Variants in ALS2 observed in about 807,000 individuals in gnomAD.
ALS2 encodes alsin.
ALS2 carries 117 observed loss-of-function variants against 203.4 expected under a neutral mutation model. The observed-to-expected ratio is 0.58, with a 90% CI of 0.50 to 0.67. The LOEUF is 0.67. Ranked by LOEUF, ALS2 falls within the 30% of genes least tolerant of loss-of-function variation. The pLI is 0.00. For missense variants in ALS2, 1,715 were observed against 1,989.4 expected, an observed-to-expected ratio of 0.86 and a Z score of 2.62; for synonymous variants, 718 against 725.9, an observed-to-expected ratio of 0.99 and a Z score of 0.17.
intron 12 of ALS2, among the ~76,000 whole-genome samples, chr2:201,735,223 T>TG (rs1691803665): frequency 6.6e-6 from 1 of 151,488 alleles, no homozygotes; most frequent in Non-Finnish European, 1.5e-5. Flanking sequence ...GGAGACAGTA[T>TG]GGGGGGAGTT....
intron 2 of ALS2, among the ~76,000 whole-genome samples, 163 bp downstream of exon 2, chr2:201,768,703 C>G (rs961353499): frequency 3.3e-5 from 5 of 152,140 alleles, no homozygotes; most frequent in African/African-American, 7.2e-5. Context: ...AACTAACAAG[C>G]CTTTTTAAAA....
chr2:201,727,866 G>A (rs1457184354), intron 15 of ALS2, 91 bp from the exon 16 acceptor site: 25 of 1,198,136 alleles, frequency 2.1e-5, no homozygotes, highest in Non-Finnish European at 3.0e-5. Flanking sequence ...TAACCCACAT[G>A]GGCCTTGCAG....
chr2:201,736,393 C>G (rs570781281), intron 12 of ALS2, among the ~76,000 whole-genome samples: 1 of 151,984 alleles, frequency 6.6e-6, no homozygotes, highest in African/African-American at 2.4e-5. Context: ...AAAATACTTT[C>G]GAAAATATTT....
In ALS2 at chr2:201,727,217, C is replaced by T; in HGVS notation, c.2974G>A (p.Glu992Lys). The T allele has an allele frequency of 1.9e-6, 3 of 1,612,730 alleles. No individual in the cohort carries two copies. The highest frequency in any genetic ancestry group is 1.7e-6 in the Non-Finnish European group (2 of 1,178,774). Residue 992 changes from glutamate to lysine, a missense_variant, in exon 17 of 34, where the codon GAA (glutamate) becomes AAA (lysine). Glu to Lys is a moderately conservative substitution (Grantham distance 56). Transcript: ENST00000264276. ...QFTLISSTPQ[E>K]KTKWLRAISQ... ...AAATACCATAATAGACTAACCTTTT[C>T]CTGGGGTGTAGATGAAATGAGAGTG...
chr2:201,718,323 G>T (rs992407997), intron 23 of ALS2, 113 bp from the exon 24 acceptor site: 1 of 1,193,222 alleles, frequency 8.4e-7, no homozygotes, highest in Non-Finnish European at 1.2e-6. Context: ...GCAGTGATGC[G>T]ATCTTGGCTC....
chr2:201,760,917 C>G lies in ALS2; in HGVS notation c.1077G>C (p.Glu359Asp). The G allele has an allele frequency of 6.2e-7, 1 of 1,614,138 alleles. No individual in the cohort carries two copies. Among genetic ancestry groups the G allele is most frequent in the Non-Finnish European group, 8.5e-7 (1 of 1,179,992 alleles). ...LRKLSDHSVR[E>D]DSEHGEKPVP... The stretch of plus-strand genomic sequence containing the variant: ...CTGGCTTTTCACCATGCTCTGAGTC[C>G]TCTCTTACTGAATGATCTGACAGTT... Residue 359 changes from glutamate (E) to aspartate (D), a missense_variant, in exon 4 of 34, where the codon GAG becomes GAC. Transcript: ENST00000264276.
intron 23 of ALS2, among the ~76,000 whole-genome samples, chr2:201,718,713 A>G (rs1373726960): frequency 1.3e-5 from 2 of 152,214 alleles, no homozygotes; most frequent in Non-Finnish European, 2.9e-5. Context: ...GGGTAAAAGA[A>G]AAAAACACAC....
At chr2:201,707,735 C>A (rs1689812240) in intron 28 of ALS2, 134 bp downstream of exon 28, 1 of 1,238,076 alleles carries the variant, frequency 8.1e-7, no homozygotes, top group Non-Finnish European at 1.2e-6. Context: ...GGCCCCAACC[C>A]TCCTGGCCCC....
rs775483404 is a variant in ALS2, at chr2:201,761,628, C to T, written c.366G>A (p.Gln122=). The T allele has an allele frequency of 6.6e-5, 107 of 1,614,104 alleles. No homozygotes were observed. Among genetic ancestry groups the T allele is most frequent in the Middle Eastern group, 3.3e-4 (2 of 6,084 alleles). Residue 122 remains glutamine (Q), a synonymous_variant, in exon 4 of 34, where the codon CAG becomes CAA. Coordinates refer to ENST00000264276, the MANE Select transcript of ALS2 (RefSeq NM_020919.4). ...AYMWGENSAG[Q]CAVANQQYVP... is the part of the protein sequence containing the mutation. ...CATACTGCTGGTTGGCTACTGCACACTGGCCAGCAGAATTCTCTCCCCACA... is the reference window on the plus strand; with the variant it reads ...CATACTGCTGGTTGGCTACTGCACATTGGCCAGCAGAATTCTCTCCCCACA...
chr2:201,747,826 A>G (rs1455210298), intron 8 of ALS2, among the ~76,000 whole-genome samples: 1 of 152,180 alleles, frequency 6.6e-6, no homozygotes, highest in Non-Finnish European at 1.5e-5. Flanking sequence ...CTTTAAACCA[A>G]TAATTTTCAA....
chr2:201,724,404 G>A lies in ALS2; in HGVS notation c.3403C>T (p.His1135Tyr). The A allele has an allele frequency of 6.2e-7, 1 of 1,613,918 alleles. No homozygotes were observed. Among genetic ancestry groups the A allele is most frequent in the Non-Finnish European group, 8.5e-7 (1 of 1,179,864 alleles). Reference sequence around the variant, plus strand: ...AATTTCCCACTTCGTAGAAGACCATGACCATGACGCATATTATCTTGAAAA... The same window carrying A: ...AATTTCCCACTTCGTAGAAGACCATAACCATGACGCATATTATCTTGAAAA... ...GCFQDNMRHGHGLLRSGKLTS... is the reference protein window; with the variant it reads ...GCFQDNMRHGYGLLRSGKLTS... The change falls in exon 21 of 34, where the codon CAT becomes TAT. Residue 1135 changes from histidine to tyrosine, a missense_variant. By Grantham distance (83) the His-to-Tyr change is moderately conservative. Transcript: ENST00000264276.
intron 12 of ALS2, among the ~76,000 whole-genome samples, chr2:201,734,062 A>T (rs1282829614): frequency 6.6e-6 from 1 of 152,196 alleles, no homozygotes; most frequent in Non-Finnish European, 1.5e-5. Context: ...GAAGCCAAAA[A>T]TTAGCTAATA....
intron 13 of ALS2, among the ~76,000 whole-genome samples, chr2:201,731,397 T>C (rs1158066176): frequency 6.6e-6 from 1 of 152,124 alleles, no homozygotes; most frequent in African/African-American, 2.4e-5. Context: ...GCCTGGATAT[T>C]AATTCTAGCT....
At chr2:201,704,756 CCCATGGTG>C (rs1689597990) in intron 31 of ALS2, among the ~76,000 whole-genome samples, 153 bp from the exon 32 acceptor site, 1 of 152,154 alleles carries the variant, frequency 6.6e-6, no homozygotes. Context: ...ACTTTGTACT[CCCATGGTG>C]CTATGAGAAA....
chr2:201,705,409 A>G lies in ALS2; in HGVS notation c.4626+7T>C, dbSNP rs1157290648. On this transcript the variant is annotated splice_region_variant and intron_variant, in intron 30 of 33. Coordinates refer to ENST00000264276, the MANE Select transcript of ALS2 (RefSeq NM_020919.4). Reference sequence around the variant, plus strand: ...ATATTTGCTGAGGAAAAGAAAATCTACTATACCTTTTTACTCTCTCCAAGG... The same window carrying G: ...ATATTTGCTGAGGAAAAGAAAATCTGCTATACCTTTTTACTCTCTCCAAGG... 3.1e-6 allele frequency: 5 copies of G among 1,613,416 alleles called. No homozygotes were observed. The highest frequency in any genetic ancestry group is 2.2e-5 in the East Asian group (1 of 44,854).
intron 24 of ALS2, among the ~76,000 whole-genome samples, chr2:201,717,835 G>C (rs1462959084): frequency 2.0e-5 from 3 of 151,726 alleles, no homozygotes. Context: ...AGCTACTAGG[G>C]AAGCTGATGC....
intron 23 of ALS2, chr2:201,719,837 G>A (rs1225456860): frequency 5.6e-6 from 1 of 179,496 alleles, no homozygotes; most frequent in Non-Finnish European, 1.2e-5. Context: ...TAAGAGAACA[G>A]CTTTATGCCA....
Position 201,757,556 on chromosome 2 carries a change from A to C in ALS2, c.1317T>G (p.Ser439Arg). 1 of 1,614,124 alleles carries C rather than the reference A, an allele frequency of 6.2e-7. No homozygotes were observed. Among genetic ancestry groups the C allele is most frequent in the Non-Finnish European group, 8.5e-7 (1 of 1,180,018 alleles). Residue 439 changes from serine (S) to arginine (R), a missense_variant, in exon 5 of 34, where the codon AGT becomes AGG. Physicochemically the swap from Ser to Arg is moderately radical, Grantham distance 110 (BLOSUM62 -1). This residue lies in a region of ALS2 where 476 missense variants were observed against 539.3 expected (regional missense o/e 0.88). Coordinates refer to ENST00000264276, the MANE Select transcript of ALS2 (RefSeq NM_020919.4). ...PCETGAQAGS[S>R]AIGPEGLKDS... ...CTTTCAAACCTTCGGGGCCAATGGCACTACTGCCTGCCTGAGCTCCAGTTT... is the reference window on the plus strand; with the variant it reads ...CTTTCAAACCTTCGGGGCCAATGGCCCTACTGCCTGCCTGAGCTCCAGTTT...
intron 1 of ALS2, among the ~76,000 whole-genome samples, chr2:201,775,582 C>T (rs538764429): frequency 5.9e-5 from 9 of 152,244 alleles, no homozygotes; most frequent in Admixed American, 5.9e-4. Flanking sequence ...TCCTGGATAT[C>T]CTGCCACTGA....
Sources: allele counts gnomAD v4.1 joint callset (sites outside exome capture counted in the v4.1 genomes callset), GRCh38; gene constraint gnomAD v4.1.1; regional missense constraint gnomAD v4.1.1; transcripts MANE v1.5; gene names NCBI Gene and HGNC (gene_info 2026-07-23, HGNC 2026-07-21).